The following SRCAP variants were observed in gnomAD, a reference collection of about 807,000 sequenced individuals.
SRCAP encodes chromatin remodeling protein SRCAP.
Under a neutral mutation model 263.1 loss-of-function variants are expected in SRCAP, and 46 were observed. That is an observed-to-expected ratio of 0.17 (90% confidence interval 0.14 to 0.22). SRCAP has a LOEUF of 0.22. SRCAP is among the 10% of genes least tolerant of loss of function. The probability of loss-of-function intolerance (pLI) is 1.00; values close to 1 mark genes in which losing one functional copy is unlikely to be tolerated. For synonymous variants in SRCAP, 1,813 were observed against 1,662.1 expected (o/e 1.09, Z -2.21); for missense variants, 3,695 against 4,181.9 (o/e 0.88, Z 3.21).
intron 30 of SRCAP, chr16:30,734,245 A>T (rs1466289096): frequency 1.6e-6 from 1 of 625,474 alleles, no homozygotes; most frequent in Non-Finnish European, 2.7e-6. Context: ...TGGAAGGCTG[A>T]GGCAGGAGAA....
In SRCAP at chr16:30,723,690, C is replaced by G. The variant is rs1262469231; in HGVS notation, c.4266C>G (p.Pro1422=). 6.2e-7 allele frequency: 1 copy of G among 1,614,080 alleles called. No homozygotes were observed. The highest frequency in any genetic ancestry group is 1.1e-5 in the South Asian group (1 of 91,084). The change falls in exon 25 of 34, where the codon CCC becomes CCG. Residue 1422 remains proline, a synonymous_variant. Transcript: ENST00000262518. ...CAATGCCAATTCCCAACTCCTCTCCCCTTGCTAGTCCTGTGTCCTCTACAG... is the reference window on the plus strand; with the variant it reads ...CAATGCCAATTCCCAACTCCTCTCCGCTTGCTAGTCCTGTGTCCTCTACAG... ...SSPMPIPNSS[P]LASPVSSTVS...
At chr16:30,707,087 A>C in intron 4 of SRCAP, 96 bp from the exon 5 acceptor site, 1 of 1,268,830 alleles carries the variant, frequency 7.9e-7, no homozygotes. Flanking sequence ...CATAAGCATA[A>C]CACACTCAGC....
chr16:30,729,799 C>T lies in SRCAP; in HGVS notation c.6127+227C>T, dbSNP rs186554975. Among the ~76,000 whole-genome samples the T allele has an allele frequency of 1.2e-4, 18 of 152,264 alleles. No homozygotes were observed. The East Asian group carries it at 1.7e-3, about 15-fold the overall frequency. On this transcript the variant is annotated intron_variant, in intron 27 of 33. Transcript: ENST00000262518. ...TTTTTTTTATTTTGAGACAAAGTCTCGCTCAGTCGCCCAGGCTGGAGTGCA... is the reference window on the plus strand; with the variant it reads ...TTTTTTTTATTTTGAGACAAAGTCTTGCTCAGTCGCCCAGGCTGGAGTGCA...
rs139052774 is a variant in SRCAP at position 30,737,910 on chromosome 16, G to T, written c.7870G>T (p.Ala2624Ser). The change falls in exon 34 of 34, where the codon GCA becomes TCA. Residue 2624 changes from alanine (A) to serine (S), a missense_variant. This residue lies in a region of SRCAP where 1,207 missense variants were observed against 1,142.9 expected (regional missense o/e 1.06). Transcript: ENST00000262518. ...GSIPNGQEQE[A>S]PDSAEGTTLT... ...CATCCCCAATGGTCAAGAGCAGGAG[G>T]CACCAGATTCTGCTGAGGGGACCAC... 1.9e-6 allele frequency: 3 copies of T among 1,614,204 alleles called. No individual in the cohort carries two copies. The highest frequency in any genetic ancestry group is 2.2e-5 in the South Asian group (2 of 91,090).
chr16:30,707,934 C>T (rs1005705389), intron 6 of SRCAP, among the ~76,000 whole-genome samples: 18 of 152,336 alleles, frequency 1.2e-4, no homozygotes, highest in East Asian at 3.9e-4. Flanking sequence ...CTGTCCCTTG[C>T]AGGGCATTTA....
Position 30,739,229 on chromosome 16 carries a change from C to T in SRCAP, c.9189C>T (p.Leu3063=), listed in dbSNP as rs1183092099. The change falls in exon 34 of 34, where the codon CTC becomes CTT. Residue 3063 remains leucine, a synonymous_variant. Transcript: ENST00000262518. ...SSSDEDGSRP[L]TRLARLRLEA... is the part of the protein sequence containing the mutation. ...CTGATGAGGATGGAAGCCGCCCCCT[C>T]ACCCGCCTGGCCCGCCTTCGGCTTG... 6.2e-6 allele frequency: 10 copies of T among 1,613,450 alleles called. No individual in the cohort carries two copies. Among genetic ancestry groups the T allele is most frequent in the Admixed American group, 1.7e-5 (1 of 60,006 alleles).
intron 16 of SRCAP, among the ~76,000 whole-genome samples, chr16:30,714,128 G>A (rs1329551401): frequency 4.7e-5 from 7 of 149,078 alleles, no homozygotes; most frequent in African/African-American, 1.5e-4. Flanking sequence ...GCAGTGGCGC[G>A]GTCTTGGCTC....
intron 31 of SRCAP, 42 bp downstream of exon 31, chr16:30,734,657 T>TA (rs1215230008): frequency 1.7e-5 from 28 of 1,612,964 alleles, no homozygotes; most frequent in Non-Finnish European, 2.4e-5. Context: ...AGCTGATTCT[T>TA]ACAGAATATC....
At chr16:30,734,045 ACTG>A (rs1260876595) in intron 30 of SRCAP, 37 bp downstream of exon 30, 9 of 1,528,876 alleles carry the variant, frequency 5.9e-6, no homozygotes, top group East Asian at 4.8e-5. Context: ...GCAGGAGAAA[ACTG>A]CTGCGCCTTC....
In SRCAP at chr16:30,711,452, C is replaced by A; in HGVS notation, c.1319-119C>A. The A allele has an allele frequency of 2.9e-6, 3 of 1,041,506 alleles. No homozygotes were observed. The South Asian group carries it at 5.1e-5, about 18-fold the overall frequency. The allele number at this position is 1,041,506 out of a possible 1,614,324, so 64.5% of individuals were successfully genotyped here. A position where few individuals can be genotyped will look rare whatever the true frequency, so the allele number is the denominator to read the frequency against. The stretch of plus-strand genomic sequence containing the variant: ...ATGCTGAAAGTAAGCTCTTTTGCCT[C>A]CCCTCAGACCTGGGCCTAGCAGTAT... On this transcript the variant is annotated intron_variant, in intron 10 of 33. Coordinates refer to ENST00000262518, the MANE Select transcript of SRCAP (RefSeq NM_006662.3).
chr16:30,719,119 C>A (rs1400197773), intron 18 of SRCAP, among the ~76,000 whole-genome samples: 3 of 151,960 alleles, frequency 2.0e-5, no homozygotes. Flanking sequence ...TGGTCTCGAA[C>A]TCCTGGCCTC....
rs1233629441 is a variant in SRCAP, at chr16:30,737,317, C to T, written c.7277C>T (p.Pro2426Leu). The change falls in exon 34 of 34, where the codon CCA (proline) becomes CTA (leucine). Residue 2426 changes from proline (P) to leucine (L), a missense_variant. Around this residue, in one of 12 missense-constraint regions of SRCAP, gnomAD observed 1,207 missense variants for 1,142.9 expected, o/e 1.06. Transcript: ENST00000262518. ...CATCAAACTCGCAGCACCACCACAC[C>T]ACCCCGCTGCAGTCCTGCCAGGGAG... ...SAHQTRSTTT[P>L]PRCSPARERV... 1.9e-6 allele frequency: 3 copies of T among 1,614,132 alleles called. No homozygotes were observed. The South Asian group carries it at 3.3e-5, about 18-fold the overall frequency.
At chr16:30,699,878 G>A (rs546674358) in intron 1 of SRCAP, 30 bp from the exon 2 acceptor site, 2 of 152,326 alleles carry the variant, frequency 1.3e-5, no homozygotes, top group South Asian at 2.1e-4. Flanking sequence ...AAAAACTGGA[G>A]TAAATAATAC....
In SRCAP at chr16:30,725,054, C is replaced by A; in HGVS notation, c.5630C>A (p.Pro1877His). The A allele has an allele frequency of 3.1e-6, 5 of 1,612,750 alleles. No individual in the cohort carries two copies. The highest frequency in any genetic ancestry group is 4.2e-6 in the Non-Finnish European group (5 of 1,179,058). The change falls in exon 25 of 34, where the codon CCC becomes CAC. Residue 1877 changes from proline to histidine, a missense_variant. Physicochemically the swap from Pro to His is moderately conservative, Grantham distance 77. Transcript: ENST00000262518. ...FGGPRPRRQP[P>H]PPPRSPFYLD... is the part of the protein sequence containing the mutation. ...GGCCCCCGGCCTCGACGCCAGCCCC[C>A]CCCACCACCTCGTTCCCCTTTTTAT...
chr16:30,707,471 ACT>A (rs2052840503), intron 5 of SRCAP, 99 bp from the exon 6 acceptor site: 4 of 1,604,042 alleles, frequency 2.5e-6, no homozygotes, highest in Non-Finnish European at 3.4e-6. Context: ...TTAAGAGCAA[ACT>A]CTTGATTTTC....
intron 4 of SRCAP, among the ~76,000 whole-genome samples, chr16:30,706,706 C>G (rs1015344501): frequency 6.6e-6 from 1 of 152,096 alleles, no homozygotes; most frequent in Non-Finnish European, 1.5e-5. Context: ...TATTTCTAAG[C>G]TTAATGCATC....
intron 30 of SRCAP, 197 bp from the exon 31 acceptor site, chr16:30,734,299 C>A: frequency 2.7e-6 from 2 of 728,340 alleles, no homozygotes; most frequent in Non-Finnish European, 4.4e-6. Context: ...GTTGAGATGG[C>A]GCCATTGCAC....
intron 3 of SRCAP, 134 bp downstream of exon 3, chr16:30,701,012 A>G: frequency 1.2e-6 from 1 of 801,552 alleles, no homozygotes; most frequent in Non-Finnish European, 2.1e-6. Flanking sequence ...GGGCTGTAGT[A>G]TATCAGGTCT....
At position 30,733,793 on chromosome 16, in the gene SRCAP, A is replaced by G. The variant is rs750233010; in HGVS notation, c.6489A>G (p.Ile2163Met). Residue 2163 changes from isoleucine to methionine, a missense_variant, in exon 29 of 34, where the codon ATA (isoleucine) becomes ATG (methionine). Transcript: ENST00000262518. The surrounding 1 kb of genome is among the most constrained non-coding windows in gnomAD (Gnocchi z 5.3). ...HRIGQTRDVH[I>M]YRLISERTVE... ...TTGGCCAGACCCGGGATGTCCACAT[A>G]TATAGGTATTGCCTAGTCTTCCCTC... The G allele has an allele frequency of 6.2e-7, 1 of 1,613,236 alleles. No individual in the cohort carries two copies. The highest frequency in any genetic ancestry group is 8.5e-7 in the Non-Finnish European group (1 of 1,179,344).
Sources: allele counts gnomAD v4.1 joint callset (sites outside exome capture counted in the v4.1 genomes callset), GRCh38; gene constraint gnomAD v4.1.1; regional missense constraint gnomAD v4.1.1; non-coding constraint Gnocchi (gnomAD v3.1); transcripts MANE v1.5; gene names NCBI Gene and HGNC (gene_info 2026-07-23, HGNC 2026-07-21).